The following LYPD6B variants were observed in gnomAD, a reference collection of about 807,000 sequenced individuals.
The protein encoded by LYPD6B is LY6/PLAUR domain containing 6B, also known as ly6/PLAUR domain-containing protein 6B.
LYPD6B carries 17 observed loss-of-function variants against 22.8 expected under a neutral mutation model. That is an observed-to-expected ratio of 0.75 (90% CI 0.51 to 1.12). The LOEUF is 1.12. Ranked by LOEUF, LYPD6B falls within the 50% of genes most tolerant of loss-of-function variation. The pLI, the probability that LYPD6B is intolerant of heterozygous loss-of-function variation, is 0.00. For missense variants in LYPD6B, 221 were observed against 258.3 expected, an observed-to-expected ratio of 0.86 and a Z score of 0.99; for synonymous variants, 106 against 91.6, an observed-to-expected ratio of 1.16 and a Z score of -0.90.
chr2:149,098,693 G>T (rs1488719089), intron 1 of LYPD6B, among the ~76,000 whole-genome samples: 3 of 148,630 alleles, frequency 2.0e-5, no homozygotes, highest in Non-Finnish European at 4.4e-5. Context: ...TGTAAGTTAA[G>T]CTTATCTATT....
chr2:149,105,691 A>G (rs1211855149), intron 1 of LYPD6B, among the ~76,000 whole-genome samples: 3 of 152,150 alleles, frequency 2.0e-5, no homozygotes, highest in South Asian at 4.1e-4. Context: ...TAGTAGTACT[A>G]GTAGCTTTTT....
chr2:149,120,383 A>ATATATATATATTTTTTT (rs1327065975), intron 1 of LYPD6B, among the ~76,000 whole-genome samples: 1 of 48,612 alleles, frequency 2.1e-5, no homozygotes, highest in African/African-American at 1.1e-4. Flanking sequence ...ATATATATAT[A>ATATATATATATTTTTTT]TTTTTTTTTT....
At chr2:149,122,361 G>A (rs892026279) in intron 1 of LYPD6B, among the ~76,000 whole-genome samples, 4 of 151,678 alleles carry the variant, frequency 2.6e-5, no homozygotes, top group African/African-American at 4.8e-5. Flanking sequence ...TCCAGGTTTT[G>A]ATGGAGGCAT....
intron 1 of LYPD6B, among the ~76,000 whole-genome samples, chr2:149,118,912 G>T (rs143793191): frequency 1.3e-5 from 2 of 152,082 alleles, no homozygotes; most frequent in Non-Finnish European, 2.9e-5. Context: ...GTTGAAAAGC[G>T]GTAGAGTTGT....
At chr2:149,086,184 G>A (rs553593389) in intron 1 of LYPD6B, among the ~76,000 whole-genome samples, 1 of 152,282 alleles carries the variant, frequency 6.6e-6, no homozygotes, top group East Asian at 1.9e-4. Flanking sequence ...CTTCCCCAAT[G>A]TGCATTCATG....
chr2:149,125,213 A>G (rs893536213), intron 1 of LYPD6B, among the ~76,000 whole-genome samples: 2 of 152,070 alleles, frequency 1.3e-5, no homozygotes, highest in Admixed American at 6.6e-5. Context: ...GTCACAAATC[A>G]CTAATCTCCA....
intron 5 of LYPD6B, among the ~76,000 whole-genome samples, chr2:149,209,724 G>A (rs1367682015): frequency 3.9e-5 from 6 of 152,112 alleles, no homozygotes; most frequent in Admixed American, 3.9e-4. Flanking sequence ...CCATAAATTA[G>A]CACAAATGGC....
intron 1 of LYPD6B, among the ~76,000 whole-genome samples, chr2:149,052,144 C>T (rs1008155983): frequency 4.6e-5 from 7 of 151,828 alleles, no homozygotes; most frequent in Admixed American, 2.0e-4. Flanking sequence ...GCAACCTCCG[C>T]CTCCTGGGTT....
Position 149,080,867 on chromosome 2 carries a change from A to AAAAAAAT in LYPD6B, c.-67+42066_-67+42067insAAAAAAT, listed in dbSNP as rs1491182913. ...AAAAAAAAAAAAAAAAAAAAAAAAA[A>AAAAAAAT]CCACACAAAAAAATTCAGTATATTA... is the stretch of plus-strand genomic sequence containing the variant. On this transcript the variant is annotated intron_variant, in intron 1 of 6. Transcript: ENST00000409642. Among the ~76,000 whole-genome samples, 1,058 of 108,636 alleles carry AAAAAAAT rather than the reference A, an allele frequency of 9.7e-3. 83 individuals carry two copies. Among genetic ancestry groups the AAAAAAAT allele is most frequent in the Middle Eastern group, 0.017 (4 of 236 alleles). The allele number at this position is 108,636 out of a possible 152,430, so 71.3% of individuals were successfully genotyped here. A position where few individuals can be genotyped will look rare whatever the true frequency, so the allele number is the denominator to read the frequency against.
At chr2:149,088,525 C>T (rs1236867068) in intron 1 of LYPD6B, among the ~76,000 whole-genome samples, 2 of 152,184 alleles carry the variant, frequency 1.3e-5, no homozygotes, top group Admixed American at 1.3e-4. Context: ...AAGTGCTGCT[C>T]TCCAGGAGCA....
chr2:149,054,285 C>A (rs534684797), intron 1 of LYPD6B, among the ~76,000 whole-genome samples: 1 of 152,220 alleles, frequency 6.6e-6, no homozygotes, highest in Admixed American at 6.5e-5. Flanking sequence ...TTGCCATAGT[C>A]ATTCTGGTAG....
At chr2:149,115,956 A>T (rs1346896052) in intron 1 of LYPD6B, among the ~76,000 whole-genome samples, 3 of 152,228 alleles carry the variant, frequency 2.0e-5, no homozygotes, top group African/African-American at 7.2e-5. Flanking sequence ...TTTATATGCG[A>T]CCTGCCTGTA....
intron 2 of LYPD6B, among the ~76,000 whole-genome samples, chr2:149,143,332 A>C: frequency 4.3e-5 from 4 of 93,980 alleles, no homozygotes; most frequent in African/African-American, 1.1e-4. Flanking sequence ...TTTTGGTTCC[A>C]ACTTTTTTTT....
intron 3 of LYPD6B, among the ~76,000 whole-genome samples, chr2:149,181,983 G>A (rs1262299593): frequency 3.3e-5 from 5 of 152,136 alleles, no homozygotes; most frequent in African/African-American, 7.2e-5. Context: ...GAATTCTGCC[G>A]TGTATCTGCA....
chr2:149,099,513 C>T (rs999874136), intron 1 of LYPD6B, among the ~76,000 whole-genome samples: 26 of 151,050 alleles, frequency 1.7e-4, no homozygotes, highest in African/African-American at 5.6e-4. Flanking sequence ...GGAGGCAATC[C>T]GTGTTCTGAG....
intron 1 of LYPD6B, among the ~76,000 whole-genome samples, chr2:149,108,110 T>C (rs1404257637): frequency 6.6e-6 from 1 of 152,152 alleles, no homozygotes; most frequent in Non-Finnish European, 1.5e-5. Context: ...TGCTGTTCTC[T>C]TGATAGTAAG....
intron 1 of LYPD6B, among the ~76,000 whole-genome samples, chr2:149,072,863 T>C (rs545682177): frequency 6.6e-6 from 1 of 152,042 alleles, no homozygotes; most frequent in South Asian, 2.1e-4. Context: ...AATAGGGTGG[T>C]CAGGAAAGCC....
chr2:149,114,373 C>G (rs1686899288), intron 1 of LYPD6B, among the ~76,000 whole-genome samples: 1 of 152,158 alleles, frequency 6.6e-6, no homozygotes, highest in African/African-American at 2.4e-5. Flanking sequence ...AATTAAATCA[C>G]TCATGATAAA....
intron 1 of LYPD6B, among the ~76,000 whole-genome samples, chr2:149,112,354 C>G (rs193045995): frequency 6.1e-4 from 93 of 152,172 alleles, no homozygotes; most frequent in African/African-American, 2.1e-3. Flanking sequence ...TTGCAGTACT[C>G]TTGTTCAGAT....
Sources: allele counts gnomAD v4.1 joint callset (sites outside exome capture counted in the v4.1 genomes callset), GRCh38; gene constraint gnomAD v4.1.1; transcripts MANE v1.5; gene names NCBI Gene and HGNC (gene_info 2026-07-23, HGNC 2026-07-21).